ADAMTSL3: variants seen among roughly 807,000 people sequenced by gnomAD.
The protein encoded by ADAMTSL3 is ADAMTS-like protein 3.
ADAMTSL3 carries 128 observed loss-of-function variants against 201.7 expected under a neutral mutation model. The ratio of observed to expected loss-of-function variants is 0.63; its 90% confidence interval spans 0.55 to 0.73. ADAMTSL3 has a LOEUF of 0.73. Among genes scored for constraint, ADAMTSL3 ranks in the 30% least tolerant of loss-of-function variants. The pLI is 0.00. For synonymous variants in ADAMTSL3, 738 were observed against 748.4 expected (o/e 0.99, Z 0.23); for missense variants, 1,990 against 2,119.6 (o/e 0.94, Z 1.20).
intron 4 of ADAMTSL3, among the ~76,000 whole-genome samples, chr15:83,776,957 C>T (rs2063085955): frequency 6.6e-6 from 1 of 152,186 alleles, no homozygotes; most frequent in Non-Finnish European, 1.5e-5. Flanking sequence ...ATGGCAGTCC[C>T]CTGCTGACTG....
rs1240333381 is a variant in ADAMTSL3, at chr15:83,801,647, T to TATAA, written c.318-2999_318-2996dup. 6.7e-3 allele frequency among the ~76,000 whole-genome samples: 188 copies of TATAA among 28,086 alleles called. 3 individuals carry two copies. Among genetic ancestry groups the TATAA allele is most frequent in the African/African-American group, 0.022 (131 of 5,960 alleles). 18.4% of individuals were successfully genotyped at this position (28,086 alleles called of 152,430 possible). On this transcript the variant is annotated intron_variant, in intron 4 of 29. Coordinates refer to ENST00000286744, the MANE Select transcript of ADAMTSL3 (RefSeq NM_207517.3). ...AATTTTATATATATAAATATATAAA[T>TATAA]ATAAATATATATATATATATATATA...
chr15:83,779,697 C>CA (rs199855902), intron 4 of ADAMTSL3, among the ~76,000 whole-genome samples: 8,817 of 71,402 alleles, frequency 0.12, 569 homozygotes, highest in East Asian at 0.21. Flanking sequence ...GACTCCATCT[C>CA]AAAAAAAAAA....
intron 7 of ADAMTSL3, among the ~76,000 whole-genome samples, chr15:83,855,655 G>C (rs1280088172): frequency 2.1e-4 from 32 of 152,148 alleles, no homozygotes; most frequent in Admixed American, 2.1e-3. Flanking sequence ...AGGCAGCTTA[G>C]CATGCCACAA....
chr15:83,911,385 CAAGA>C (rs2065930572), intron 15 of ADAMTSL3, among the ~76,000 whole-genome samples: 1 of 152,280 alleles, frequency 6.6e-6, no homozygotes, highest in African/African-American at 2.4e-5. Flanking sequence ...TAACAGTCTT[CAAGA>C]GAAGACTGTT....
intron 19 of ADAMTSL3, among the ~76,000 whole-genome samples, chr15:83,953,377 A>C (rs778054081): frequency 6.7e-6 from 1 of 150,082 alleles, no homozygotes; most frequent in Non-Finnish European, 1.5e-5. Flanking sequence ...ACTGATGACA[A>C]CTTAACACAT....
At chr15:83,959,335 A>G (rs2066915379) in intron 19 of ADAMTSL3, among the ~76,000 whole-genome samples, 3 of 152,362 alleles carry the variant, frequency 2.0e-5, no homozygotes, top group South Asian at 4.1e-4. Context: ...AGGCTGAGGC[A>G]GGAGAATCAC....
chr15:83,658,865 C>G (rs929821977), intron 2 of ADAMTSL3, among the ~76,000 whole-genome samples: 2 of 152,182 alleles, frequency 1.3e-5, no homozygotes, highest in Non-Finnish European at 2.9e-5. Flanking sequence ...ACGTGCCCCC[C>G]CTTTTTTTTC....
At position 83,916,090 on chromosome 15, in the gene ADAMTSL3, A is replaced by T. The variant is rs140348453; in HGVS notation, c.1987+2712A>T. Among the ~76,000 whole-genome samples the T allele has an allele frequency of 2.8e-3, 434 of 152,324 alleles. 1 individual carries two copies. Among genetic ancestry groups the T allele is most frequent in the Non-Finnish European group, 4.4e-3 (302 of 68,030 alleles). On this transcript the variant is annotated intron_variant, in intron 16 of 29. Coordinates refer to ENST00000286744, the MANE Select transcript of ADAMTSL3 (RefSeq NM_207517.3). ...TGACTAATTGAGGTTGATTATCCTTAGTGGCACTGCGCACCTTTTGCCCTG... is the reference window on the plus strand; with the variant it reads ...TGACTAATTGAGGTTGATTATCCTTTGTGGCACTGCGCACCTTTTGCCCTG...
chr15:83,675,500 T>A (rs75321541), intron 2 of ADAMTSL3, among the ~76,000 whole-genome samples: 3,369 of 152,142 alleles, frequency 0.022, 126 homozygotes, highest in African/African-American at 0.074. Context: ...ATCATTCTTT[T>A]TATATATATT....
chr15:83,913,084 T>A lies in ADAMTSL3; in HGVS notation c.1701-8T>A. 6.2e-7 allele frequency: 1 copy of A among 1,610,444 alleles called. No individual in the cohort carries two copies. Among genetic ancestry groups the A allele is most frequent in the Non-Finnish European group, 8.5e-7 (1 of 1,177,340 alleles). On this transcript the variant is annotated splice_region_variant and splice_polypyrimidine_tract_variant and intron_variant, in intron 15 of 29. Coordinates refer to ENST00000286744, the MANE Select transcript of ADAMTSL3 (RefSeq NM_207517.3). ...GTCCTTTTCTGGTGGCTTCCTGGTT[T>A]TCCCTAGGTTCATTCCAGAACCCTG...
rs77313522 is a variant in ADAMTSL3, at chr15:83,808,389, A to C, written c.363+3694A>C. Among the ~76,000 whole-genome samples the C allele has an allele frequency of 2.3e-3, 344 of 152,358 alleles. 1 individual carries two copies. Among genetic ancestry groups the C allele is most frequent in the African/African-American group, 8.1e-3 (336 of 41,592 alleles). On this transcript the variant is annotated intron_variant, in intron 5 of 29. Transcript: ENST00000286744. ...AACCCAGGTGTATGAAAAAATGCTTAACATCACTAATCATCAGAGAAATAC... is the reference window on the plus strand; with the variant it reads ...AACCCAGGTGTATGAAAAAATGCTTCACATCACTAATCATCAGAGAAATAC...
chr15:84,025,340 G>C lies in ADAMTSL3; in HGVS notation c.4560G>C (p.Gln1520His). Residue 1520 changes from glutamine to histidine, a missense_variant, in exon 27 of 30, where the codon CAG becomes CAC. Transcript: ENST00000286744. ...GGACAAAAGCCAATGGAACTGTGCA[G>C]GTGGTGTCTCCAAGAGCATGTGCCC... ...CKRTKANGTV[Q>H]VVSPRACAPK... 1.2e-6 allele frequency: 2 copies of C among 1,614,202 alleles called. No homozygotes were observed. Among genetic ancestry groups the C allele is most frequent in the Non-Finnish European group, 1.7e-6 (2 of 1,180,044 alleles).
chr15:83,932,173 A>G (rs2066370661), intron 17 of ADAMTSL3, among the ~76,000 whole-genome samples: 1 of 152,234 alleles, frequency 6.6e-6, no homozygotes, highest in Non-Finnish European at 1.5e-5. Context: ...ATAGAGCTAA[A>G]CTTGCTGAAC....
rs969239667 is a variant in ADAMTSL3, at chr15:83,885,093, T to C, written c.961-8T>C. 7.5e-6 allele frequency: 12 copies of C among 1,604,504 alleles called. No individual in the cohort carries two copies. In the Middle Eastern group the frequency reaches 6.6e-4, roughly 88 times the overall value. On this transcript the variant is annotated splice_region_variant and splice_polypyrimidine_tract_variant and intron_variant, in intron 9 of 29. Coordinates refer to ENST00000286744, the MANE Select transcript of ADAMTSL3 (RefSeq NM_207517.3). ...TGCACGTGTGTTCTCACAGTTCTCT[T>C]TGTCCAGACCAGGTACACTGCAGCC...
In ADAMTSL3 at chr15:83,892,675, G is replaced by A. The variant is rs1371275087; in HGVS notation, c.1263-9G>A. 10 of 1,608,758 alleles carry A rather than the reference G, an allele frequency of 6.2e-6. No individual in the cohort carries two copies. Among genetic ancestry groups the A allele is most frequent in the Non-Finnish European group, 8.5e-6 (10 of 1,177,362 alleles). ...ATAAATAATATAATTTTATTTGTTT[G>A]CTTTTGAGCTGGGAACATAATCCTT... On this transcript the variant is annotated splice_polypyrimidine_tract_variant and intron_variant, in intron 12 of 29. Coordinates refer to ENST00000286744, the MANE Select transcript of ADAMTSL3 (RefSeq NM_207517.3).
intron 6 of ADAMTSL3, among the ~76,000 whole-genome samples, chr15:83,823,190 G>C (rs913427268): frequency 9.5e-5 from 13 of 137,140 alleles, no homozygotes; most frequent in African/African-American, 3.4e-4. Context: ...ACCGTGGGGA[G>C]AGGGAGAGGG....
At chr15:83,729,200 G>C (rs1485505589) in intron 3 of ADAMTSL3, among the ~76,000 whole-genome samples, 1 of 151,858 alleles carries the variant, frequency 6.6e-6, no homozygotes, top group African/African-American at 2.4e-5. Flanking sequence ...TTAACCCTTG[G>C]GAGTTTGATT....
chr15:83,956,380 G>C (rs1305773523), intron 19 of ADAMTSL3, among the ~76,000 whole-genome samples: 1 of 152,192 alleles, frequency 6.6e-6, no homozygotes, highest in Admixed American at 6.5e-5. Context: ...AACAAGTACT[G>C]TGATGGCTCA....
intron 16 of ADAMTSL3, among the ~76,000 whole-genome samples, chr15:83,914,611 C>T (rs2065995187): frequency 6.6e-6 from 1 of 152,202 alleles, no homozygotes; most frequent in Non-Finnish European, 1.5e-5. Context: ...TGGACTCTTT[C>T]TCCCCTTACT....
Sources: allele counts gnomAD v4.1 joint callset (sites outside exome capture counted in the v4.1 genomes callset), GRCh38; gene constraint gnomAD v4.1.1; transcripts MANE v1.5; gene names NCBI Gene and HGNC (gene_info 2026-07-23, HGNC 2026-07-21).